The following GNL2 variants were observed in gnomAD, a reference collection of about 807,000 sequenced individuals.
GNL2 encodes nucleolar GTP-binding protein 2.
Under a neutral mutation model 92.3 loss-of-function variants are expected in GNL2, and 51 were observed. That is an observed-to-expected ratio of 0.55 (90% CI 0.44 to 0.70). GNL2 has a LOEUF of 0.70. Ranked by LOEUF, GNL2 falls within the 30% of genes least tolerant of loss-of-function variation. The probability of loss-of-function intolerance (pLI) is 0.00; values close to 1 mark genes in which losing one functional copy is unlikely to be tolerated. For synonymous variants in GNL2, 283 were observed against 300.6 expected, an observed-to-expected ratio of 0.94 and a Z score of 0.61; for missense variants, 844 against 895.6, an observed-to-expected ratio of 0.94 and a Z score of 0.74.
intron 2 of GNL2, 39 bp downstream of exon 2, chr1:37,593,723 T>C (rs1384105035): frequency 4.2e-6 from 6 of 1,420,680 alleles, no homozygotes; most frequent in Non-Finnish European, 5.0e-6. Context: ...GTCAAGGGCA[T>C]GAAGGAAAAG....
At chr1:37,595,363 C>T (rs148731903) in intron 1 of GNL2, among the ~76,000 whole-genome samples, 211 of 152,346 alleles carry the variant, frequency 1.4e-3, no homozygotes, top group African/African-American at 4.8e-3. Context: ...AGCCCTTTCT[C>T]ATTTTAAAGG....
chr1:37,574,549 T>A lies in GNL2; in HGVS notation c.1303-93A>T. The A allele has an allele frequency of 2.9e-6, 4 of 1,391,528 alleles. No homozygotes were observed. In the South Asian group the frequency reaches 3.6e-5, roughly 12 times the overall value. 86.2% of individuals were successfully genotyped at this position (1,391,528 alleles called of 1,614,324 possible). A position where few individuals can be genotyped will look rare whatever the true frequency, so the allele number is the denominator to read the frequency against. ...TTTCAGTTGTCCCAGGGGTTCATCA[T>A]CACTTAAGTGACAAGTTTCACACTG... is the stretch of plus-strand genomic sequence containing the variant. On this transcript the variant is annotated intron_variant, in intron 11 of 15. Coordinates refer to ENST00000373062, the MANE Select transcript of GNL2 (RefSeq NM_013285.3).
Position 37,574,731 on chromosome 1 carries a change from A to C in GNL2, c.1236T>G (p.Ile412Met), listed in dbSNP as rs747237892. Residue 412 changes from isoleucine to methionine, a missense_variant, in exon 11 of 16, where the codon ATT becomes ATG. Ile to Met is a conservative substitution (Grantham distance 10). Transcript: ENST00000373062. ...AGTCCTCAGCATTCTCCCAAGAATC[A>C]ATCTTGTATGTTTTGCTGATATATT... ...KPEYISKTYK[I>M]DSWENAEDFL... 32 of 1,613,698 alleles carry C rather than the reference A, an allele frequency of 2.0e-5. No homozygotes were observed. Among genetic ancestry groups the C allele is most frequent in the Non-Finnish European group, 2.7e-5 (32 of 1,179,694 alleles).
intron 7 of GNL2, 38 bp from the exon 8 acceptor site, chr1:37,582,374 T>G: frequency 1.6e-4 from 168 of 1,055,958 alleles, no homozygotes; most frequent in Non-Finnish European, 2.3e-4. Flanking sequence ...TAAACTGCAG[T>G]ACATTTATTT....
Position 37,587,482 on chromosome 1 carries a change from T to A in GNL2, c.398A>T (p.His133Leu). 6.2e-7 allele frequency: 1 copy of A among 1,610,012 alleles called. No homozygotes were observed. Among genetic ancestry groups the A allele is most frequent in the Non-Finnish European group, 8.5e-7 (1 of 1,177,220 alleles). ...DRIRPHNLKV[H>L]ILDTESFETT... The stretch of plus-strand genomic sequence containing the variant: ...TTCAAAACTTTCAGTATCAAGAATG[T>A]GCACCTTCAAGTTCTGAAGAGAAAG... The change falls in exon 5 of 16, where the codon CAC becomes CTC. Residue 133 changes from histidine to leucine, a missense_variant. Coordinates refer to ENST00000373062, the MANE Select transcript of GNL2 (RefSeq NM_013285.3).
chr1:37,595,744 C>T lies in GNL2; in HGVS notation c.64+15G>A. ...TCCTCCAAGCTCCACCCTCGATCAGCCCTGCCGCCTGTACCTGGGTTTGTG... is the reference window on the plus strand; with the variant it reads ...TCCTCCAAGCTCCACCCTCGATCAGTCCTGCCGCCTGTACCTGGGTTTGTG... On this transcript the variant is annotated intron_variant, in intron 1 of 15. Coordinates refer to ENST00000373062, the MANE Select transcript of GNL2 (RefSeq NM_013285.3). 2 of 1,612,600 alleles carry T rather than the reference C, an allele frequency of 1.2e-6. No individual in the cohort carries two copies. The highest frequency in any genetic ancestry group is 1.7e-6 in the Non-Finnish European group (2 of 1,178,530).
At chr1:37,582,452 T>C in intron 7 of GNL2, 116 bp from the exon 8 acceptor site, 2 of 625,936 alleles carry the variant, frequency 3.2e-6, no homozygotes, top group Non-Finnish European at 2.8e-6. Flanking sequence ...CTAAGGAAAA[T>C]GTTAGCTATA....
Position 37,569,139 on chromosome 1 carries a change from G to A in GNL2, c.1580C>T (p.Thr527Ile), listed in dbSNP as rs1348350798. The A allele has an allele frequency of 6.2e-7, 1 of 1,614,152 alleles. No individual in the cohort carries two copies. The highest frequency in any genetic ancestry group is 8.5e-7 in the Non-Finnish European group (1 of 1,180,012). The change falls in exon 13 of 16, where the codon ACA becomes ATA. Residue 527 changes from threonine (T) to isoleucine (I), a missense_variant. Coordinates refer to ENST00000373062, the MANE Select transcript of GNL2 (RefSeq NM_013285.3). ...TTTACCAAAGTTCTGCCGAACTCGT[G>A]TGAGAATCTGCTGCATCTCTGTGTT... ...DANTEMQQILTRVRQNFGKIN... is the reference protein window; with the variant it reads ...DANTEMQQILIRVRQNFGKIN...
chr1:37,591,474 G>A (rs965622486), intron 3 of GNL2, among the ~76,000 whole-genome samples: 1 of 151,182 alleles, frequency 6.6e-6, no homozygotes, highest in East Asian at 1.9e-4. Flanking sequence ...TTTGCTAGGC[G>A]CTATTCTAAG....
intron 9 of GNL2, 142 bp downstream of exon 9, chr1:37,576,286 G>A (rs897635847): frequency 2.2e-5 from 16 of 729,494 alleles, no homozygotes; most frequent in East Asian, 8.0e-5. Flanking sequence ...ACTCTGATAC[G>A]TTCCAAACTA....
chr1:37,585,251 G>A lies in GNL2; in HGVS notation c.570-1318C>T, dbSNP rs201891778. On this transcript the variant is annotated intron_variant, in intron 5 of 15. Coordinates refer to ENST00000373062, the MANE Select transcript of GNL2 (RefSeq NM_013285.3). ...TTTGTGTATTTTTAGTAGGGACTGGGTTTCACCATGTTGGTCAGGCTGGTC... is the reference window on the plus strand; with the variant it reads ...TTTGTGTATTTTTAGTAGGGACTGGATTTCACCATGTTGGTCAGGCTGGTC... Among the ~76,000 whole-genome samples the A allele has an allele frequency of 8.6e-5, 13 of 151,666 alleles. No homozygotes were observed. In the East Asian group the frequency reaches 1.8e-3, roughly 21 times the overall value.
intron 8 of GNL2, chr1:37,581,494 T>A (rs1053663520): frequency 2.2e-6 from 1 of 455,900 alleles, no homozygotes; most frequent in Non-Finnish European, 4.4e-6. Flanking sequence ...GGGCAGAGGA[T>A]GCACAGCAGG....
intron 8 of GNL2, among the ~76,000 whole-genome samples, chr1:37,580,338 G>C (rs960585540): frequency 2.0e-5 from 3 of 152,200 alleles, no homozygotes; most frequent in Non-Finnish European, 4.4e-5. Context: ...TGAGGGGTCA[G>C]AATGGCCTCA....
In GNL2 at chr1:37,587,453, T is replaced by C. The variant is rs754672713; in HGVS notation, c.427A>G (p.Thr143Ala). 2 of 1,613,256 alleles carry C rather than the reference T, an allele frequency of 1.2e-6. No homozygotes were observed. The highest frequency in any genetic ancestry group is 1.7e-6 in the Non-Finnish European group (2 of 1,179,418). ...TTCCTCTGTGACTTAGGGCCAAATGTAGTTTCAAAACTTTCAGTATCAAGA... is the reference window on the plus strand; with the variant it reads ...TTCCTCTGTGACTTAGGGCCAAATGCAGTTTCAAAACTTTCAGTATCAAGA... ...HILDTESFET[T>A]FGPKSQRKRP... Residue 143 changes from threonine (T) to alanine (A), a missense_variant, in exon 5 of 16, where the codon ACA (threonine) becomes GCA (alanine). Thr to Ala is a moderately conservative substitution (Grantham distance 58). Coordinates refer to ENST00000373062, the MANE Select transcript of GNL2 (RefSeq NM_013285.3).
intron 3 of GNL2, 90 bp from the exon 4 acceptor site, chr1:37,590,935 C>T: frequency 1.8e-6 from 2 of 1,085,098 alleles, no homozygotes; most frequent in South Asian, 1.5e-5. Flanking sequence ...TTTAAATTAC[C>T]CTCACTTACC....
At chr1:37,592,665 A>C (rs1322578424) in intron 3 of GNL2, 47 bp downstream of exon 3, 1 of 1,050,266 alleles carries the variant, frequency 9.5e-7, no homozygotes, top group Non-Finnish European at 1.5e-6. Flanking sequence ...AGCCGTTTCC[A>C]CTCAGCATAT....
At chr1:37,593,096 T>C (rs962709913) in intron 2 of GNL2, among the ~76,000 whole-genome samples, 2 of 152,162 alleles carry the variant, frequency 1.3e-5, no homozygotes, top group African/African-American at 4.8e-5. Context: ...AACACATACA[T>C]ACTTGAGTTT....
intron 5 of GNL2, among the ~76,000 whole-genome samples, chr1:37,584,594 C>A (rs1338293945): frequency 6.6e-6 from 1 of 151,936 alleles, no homozygotes; most frequent in Non-Finnish European, 1.5e-5. Flanking sequence ...ATATTAGGCA[C>A]CTAAACCAGT....
In GNL2 at chr1:37,575,800, G is replaced by A. The variant is rs1052721893; in HGVS notation, c.1039-101C>T. 7 of 714,620 alleles carry A rather than the reference G, an allele frequency of 9.8e-6. No individual in the cohort carries two copies. The African/African-American group carries it at 1.3e-4, about 13-fold the overall frequency. The allele number at this position is 714,620 out of a possible 1,614,324, so 44.3% of individuals were successfully genotyped here. On this transcript the variant is annotated intron_variant, in intron 9 of 15. Coordinates refer to ENST00000373062, the MANE Select transcript of GNL2 (RefSeq NM_013285.3). This position sits in a 1 kb window ranked among gnomAD's most constrained non-coding sequence, Gnocchi z 4.1. ...GTATGAAGCTGGAAAGGAGGAAGGG[G>A]TGAGTCAAAGAAAAGCAACGCGCTA...
Sources: allele counts gnomAD v4.1 joint callset (sites outside exome capture counted in the v4.1 genomes callset), GRCh38; gene constraint gnomAD v4.1.1; non-coding constraint Gnocchi (gnomAD v3.1); transcripts MANE v1.5; gene names NCBI Gene and HGNC (gene_info 2026-07-23, HGNC 2026-07-21).